The following PATJ variants were observed in gnomAD, a reference collection of about 807,000 sequenced individuals.
The protein encoded by PATJ is PATJ crumbs cell polarity complex component.
Under a neutral mutation model 224.9 loss-of-function variants are expected in PATJ, and 190 were observed. That is an observed-to-expected ratio of 0.84 (90% CI 0.75 to 0.95). The LOEUF (loss-of-function observed/expected upper bound fraction) is 0.95, where lower values mean the gene tolerates loss of function less well. Among genes scored for constraint, PATJ ranks in the 40% least tolerant of loss-of-function variants. The pLI is 0.00. For missense variants in PATJ, 2,121 were observed against 2,270.3 expected (o/e 0.93, Z 1.34); for synonymous variants, 769 against 820.3 (o/e 0.94, Z 1.07).
At chr1:62,041,214 C>T (rs752291137) in intron 30 of PATJ, among the ~76,000 whole-genome samples, 1 of 152,146 alleles carries the variant, frequency 6.6e-6, no homozygotes, top group Non-Finnish European at 1.5e-5. Context: ...CAGGGGTTAA[C>T]CTTTGCTCTC....
In PATJ at chr1:62,084,607, G is replaced by A; in HGVS notation, c.4336G>A (p.Gly1446Arg). The change falls in exon 33 of 44, where the codon GGG becomes AGG. Residue 1446 changes from glycine (G) to arginine (R), a missense_variant. Transcript: ENST00000642238. ...TATAGAAATATCCAAGGGACGTTCA[G>A]GGCTTGGTCTCAGCATTGTGGGAGG... ...MIIEISKGRS[G>R]LGLSIVGGKD... The A allele has an allele frequency of 1.2e-6, 2 of 1,613,390 alleles. No homozygotes were observed. The highest frequency in any genetic ancestry group is 1.7e-6 in the Non-Finnish European group (2 of 1,179,708).
intron 21 of PATJ, among the ~76,000 whole-genome samples, chr1:61,878,625 C>T (rs1016183946): frequency 2.0e-5 from 3 of 151,310 alleles, no homozygotes; most frequent in Admixed American, 6.6e-5. Context: ...AGGAGGATCA[C>T]TTGAGTCCAG....
At chr1:61,996,115 C>T (rs1330665401) in intron 28 of PATJ, among the ~76,000 whole-genome samples, 1 of 152,198 alleles carries the variant, frequency 6.6e-6, no homozygotes, top group East Asian at 1.9e-4. Context: ...AAAATCCTGT[C>T]ATTTTGCTTA....
intron 29 of PATJ, among the ~76,000 whole-genome samples, chr1:62,032,245 C>G (rs1043610041): frequency 6.6e-6 from 1 of 152,118 alleles, no homozygotes; most frequent in Non-Finnish European, 1.5e-5. Flanking sequence ...CCTAGAGGTC[C>G]CCCACAGTCC....
intron 3 of PATJ, among the ~76,000 whole-genome samples, chr1:61,763,800 G>A (rs1460915596): frequency 1.3e-5 from 2 of 151,984 alleles, no homozygotes; most frequent in African/African-American, 4.8e-5. Context: ...GCTGGGATAG[G>A]TGTGTGCCAC....
At chr1:62,127,908 T>C in intron 39 of PATJ, 64 bp from the exon 40 acceptor site, 1 of 1,566,288 alleles carries the variant, frequency 6.4e-7, no homozygotes, top group South Asian at 1.1e-5. Flanking sequence ...GCTATCTATC[T>C]AGGGATAGTC....
At position 61,807,762 on chromosome 1, in the gene PATJ, G is replaced by A. The variant is rs549163464; in HGVS notation, c.1627-712G>A. ...CTGAAATGCAGTACTTTCAGAAGCT[G>A]TAGTTGGGTCATTGTTTAACTTATC... On this transcript the variant is annotated intron_variant, in intron 13 of 43. Transcript: ENST00000642238. 1.1e-3 allele frequency among the ~76,000 whole-genome samples: 172 copies of A among 152,322 alleles called. 1 individual carries two copies. The highest frequency in any genetic ancestry group is 5.4e-3 in the South Asian group (26 of 4,826).
chr1:61,848,036 C>T (rs574363903), intron 17 of PATJ, among the ~76,000 whole-genome samples: 8 of 152,022 alleles, frequency 5.3e-5, no homozygotes, highest in South Asian at 4.1e-4. Context: ...TTCTGTCTTT[C>T]GTTACTTTTT....
chr1:61,949,166 A>G (rs1679236313), intron 27 of PATJ, among the ~76,000 whole-genome samples: 1 of 152,072 alleles, frequency 6.6e-6, no homozygotes, highest in South Asian at 2.1e-4. Flanking sequence ...TATATACGTA[A>G]CAAACCTGTA....
At chr1:61,742,771 G>A (rs1256311588) in intron 1 of PATJ, among the ~76,000 whole-genome samples, 1 of 150,452 alleles carries the variant, frequency 6.6e-6, no homozygotes, top group Non-Finnish European at 1.5e-5. Context: ...CGCCCGCGGC[G>A]TGCGTCCGCG....
At position 61,914,633 on chromosome 1, in the gene PATJ, A is replaced by G. The variant is rs1673184742; in HGVS notation, c.3539A>G (p.Gln1180Arg). 6.3e-7 allele frequency: 1 copy of G among 1,581,892 alleles called. No individual in the cohort carries two copies. The highest frequency in any genetic ancestry group is 8.7e-7 in the Non-Finnish European group (1 of 1,151,216). ...HNKANKITGN[Q>R]NQDTQEKKEK... is the part of the protein sequence containing the mutation. ...AAGGCCAACAAAATCACCGGTAACC[A>G]GAACCAGGACACCCAAGAAAAGAAA... Residue 1180 changes from glutamine (Q) to arginine (R), a missense_variant, in exon 26 of 44, where the codon CAG becomes CGG. Transcript: ENST00000642238.
At chr1:61,939,442 T>C (rs1369168483) in intron 27 of PATJ, among the ~76,000 whole-genome samples, 9 of 151,810 alleles carry the variant, frequency 5.9e-5, no homozygotes, top group African/African-American at 1.5e-4. Context: ...AAATAAGTTA[T>C]ATTTGGGTAA....
chr1:61,964,167 T>C (rs1571539618), intron 27 of PATJ, among the ~76,000 whole-genome samples: 1 of 148,078 alleles, frequency 6.8e-6, no homozygotes, highest in East Asian at 2.2e-4. Context: ...TTGTATCGTC[T>C]GCCTCCCAGA....
chr1:61,952,455 G>T (rs537446714), intron 27 of PATJ: 1 of 717,036 alleles, frequency 1.4e-6, no homozygotes, highest in African/African-American at 1.7e-5. Context: ...CTTTCGGAAT[G>T]CAATCTGATG....
At chr1:61,763,467 G>C (rs1646082666) in intron 3 of PATJ, among the ~76,000 whole-genome samples, 1 of 151,478 alleles carries the variant, frequency 6.6e-6, no homozygotes. Flanking sequence ...AGGAGTTCCA[G>C]GTTGCAGTGA....
chr1:62,014,562 C>CTTTTTTT (rs35711547), intron 28 of PATJ, among the ~76,000 whole-genome samples: 15 of 84,520 alleles, frequency 1.8e-4, no homozygotes, highest in Admixed American at 5.0e-4. Flanking sequence ...CTTTTCTTTC[C>CTTTTTTT]TTTTTTTTTT....
At chr1:61,824,719 C>G (rs547099708) in intron 15 of PATJ, among the ~76,000 whole-genome samples, 1 of 152,272 alleles carries the variant, frequency 6.6e-6, no homozygotes, top group African/African-American at 2.4e-5. Context: ...GCCACCATGC[C>G]TGGCCCATTT....
At chr1:61,928,342 T>C (rs1675531652) in intron 27 of PATJ, among the ~76,000 whole-genome samples, 1 of 152,230 alleles carries the variant, frequency 6.6e-6, no homozygotes, top group African/African-American at 2.4e-5. Context: ...TTTGCATTTC[T>C]TTTATGTGCG....
At chr1:61,938,747 T>A (rs992174334) in intron 27 of PATJ, among the ~76,000 whole-genome samples, 12 of 152,114 alleles carry the variant, frequency 7.9e-5, no homozygotes, top group Non-Finnish European at 1.5e-4. Context: ...AATATTTGCA[T>A]TAAAATTGGT....
Sources: gnomAD v4.1 joint callset for allele counts (sites outside exome capture counted in the v4.1 genomes callset) on GRCh38, gnomAD v4.1.1 for gene constraint, MANE v1.5 for transcripts, NCBI Gene and HGNC (gene_info 2026-07-23, HGNC 2026-07-21) for gene names.